TNFRSF11B: variants seen among roughly 807,000 people sequenced by gnomAD.
TNFRSF11B encodes TNF receptor superfamily member 11b, also known as tumor necrosis factor receptor superfamily member 11B.
In TNFRSF11B, 16 loss-of-function variants were observed where a neutral mutation model predicts 43.4. That is an observed-to-expected ratio of 0.37 (90% confidence interval 0.25 to 0.56). The LOEUF (loss-of-function observed/expected upper bound fraction) is 0.56, where lower values mean the gene tolerates loss of function less well. Among genes scored for constraint, TNFRSF11B ranks in the 20% least tolerant of loss-of-function variants. TNFRSF11B has a pLI of 0.80. For synonymous variants in TNFRSF11B, 185 were observed against 181.8 expected (o/e 1.02, Z -0.14); for missense variants, 444 against 490.1 (o/e 0.91, Z 0.89).
chr8:118,948,273 C>G (rs1812594602), intron 1 of TNFRSF11B, among the ~76,000 whole-genome samples: 1 of 152,086 alleles, frequency 6.6e-6, no homozygotes, highest in South Asian at 2.1e-4. Flanking sequence ...AATATATTCC[C>G]CAGCCTTTTT....
chr8:118,930,137 C>A (rs1053919771), intron 2 of TNFRSF11B, among the ~76,000 whole-genome samples: 5 of 152,160 alleles, frequency 3.3e-5, no homozygotes, highest in Non-Finnish European at 7.4e-5. Context: ...TCCAGCATTG[C>A]ACTGACATTA....
chr8:118,951,487 CAG>C (rs1253286219), intron 1 of TNFRSF11B, among the ~76,000 whole-genome samples: 1 of 152,006 alleles, frequency 6.6e-6, no homozygotes. Flanking sequence ...GAGATGAAGA[CAG>C]AAGGTTAATG....
At chr8:118,940,061 T>C (rs751576425) in intron 1 of TNFRSF11B, among the ~76,000 whole-genome samples, 6 of 152,186 alleles carry the variant, frequency 3.9e-5, no homozygotes, top group Admixed American at 1.3e-4. Context: ...ACCATCATTC[T>C]CAGCAAACTA....
intron 2 of TNFRSF11B, among the ~76,000 whole-genome samples, chr8:118,932,703 T>C (rs1367813166): frequency 6.6e-6 from 1 of 151,412 alleles, no homozygotes; most frequent in Non-Finnish European, 1.5e-5. Context: ...GAGAGAATAA[T>C]TTGCTGCATT....
At chr8:118,943,731 C>T (rs1003668894) in intron 1 of TNFRSF11B, among the ~76,000 whole-genome samples, 21 of 152,060 alleles carry the variant, frequency 1.4e-4, no homozygotes, top group South Asian at 2.1e-4. Context: ...TTTATGGCTT[C>T]CTCTTTTTGG....
chr8:118,950,322 T>C (rs1015588631), intron 1 of TNFRSF11B, among the ~76,000 whole-genome samples: 4 of 152,192 alleles, frequency 2.6e-5, no homozygotes, highest in African/African-American at 7.2e-5. Context: ...TGGAATACCA[T>C]ACAGCAATGA....
At chr8:118,949,992 A>C (rs1233526266) in intron 1 of TNFRSF11B, among the ~76,000 whole-genome samples, 1 of 152,246 alleles carries the variant, frequency 6.6e-6, no homozygotes, top group Non-Finnish European at 1.5e-5. Context: ...TACTGTGTTC[A>C]AGACATATAC....
intron 1 of TNFRSF11B, among the ~76,000 whole-genome samples, chr8:118,948,877 C>T (rs1812603342): frequency 6.6e-6 from 1 of 152,068 alleles, no homozygotes; most frequent in Non-Finnish European, 1.5e-5. Context: ...CATTATTCTA[C>T]AGGAAAACAG....
At chr8:118,951,740 G>C in intron 1 of TNFRSF11B, 52 bp downstream of exon 1, 1 of 1,539,406 alleles carries the variant, frequency 6.5e-7, no homozygotes, top group South Asian at 1.2e-5. Flanking sequence ...GAGACCAGGT[G>C]GCAGCAGCCT....
At chr8:118,944,728 A>C (rs946204944) in intron 1 of TNFRSF11B, among the ~76,000 whole-genome samples, 10 of 152,134 alleles carry the variant, frequency 6.6e-5, no homozygotes, top group African/African-American at 2.2e-4. Flanking sequence ...GTTAATGGTC[A>C]TGCCAACCTA....
chr8:118,926,813 G>T (rs1812251835), intron 3 of TNFRSF11B, 95 bp from the exon 4 acceptor site: 3 of 1,194,152 alleles, frequency 2.5e-6, no homozygotes, highest in African/African-American at 3.0e-5. Flanking sequence ...CAACACAATT[G>T]AATTTTCCAA....
chr8:118,926,908 T>G (rs570008049), intron 3 of TNFRSF11B, among the ~76,000 whole-genome samples, 190 bp from the exon 4 acceptor site: 1 of 152,352 alleles, frequency 6.6e-6, no homozygotes. Context: ...TGAGCTTACG[T>G]GTCTTCTAAT....
Position 118,933,694 on chromosome 8 carries a change from A to T in TNFRSF11B, c.31-394T>A, listed in dbSNP as rs79325977. 4.3e-4 allele frequency among the ~76,000 whole-genome samples: 66 copies of T among 152,328 alleles called. No homozygotes were observed. The East Asian group carries it at 8.7e-3, about 20-fold the overall frequency. On this transcript the variant is annotated intron_variant, in intron 1 of 4. Transcript: ENST00000297350. ...ACAGCTACACAAATCACCTGTTAAA[A>T]ATATAGATTCCTGGGATTCATATCC... is the stretch of plus-strand genomic sequence containing the variant.
chr8:118,939,508 G>T (rs1427574774), intron 1 of TNFRSF11B, among the ~76,000 whole-genome samples: 1 of 152,178 alleles, frequency 6.6e-6, no homozygotes, highest in Non-Finnish European at 1.5e-5. Flanking sequence ...TGAGAGGAAA[G>T]AATAGGTATG....
At chr8:118,932,208 A>G (rs1812340014) in intron 2 of TNFRSF11B, among the ~76,000 whole-genome samples, 2 of 152,228 alleles carry the variant, frequency 1.3e-5, no homozygotes, top group South Asian at 2.1e-4. Context: ...GTGGCAGAAA[A>G]AAACGTGGGT....
At chr8:118,943,046 A>G (rs546499228) in intron 1 of TNFRSF11B, among the ~76,000 whole-genome samples, 1 of 152,080 alleles carries the variant, frequency 6.6e-6, no homozygotes, top group African/African-American at 2.4e-5. Flanking sequence ...TCGTCCTAAA[A>G]TACAGTACTT....
At chr8:118,936,433 C>T (rs1243305916) in intron 1 of TNFRSF11B, among the ~76,000 whole-genome samples, 4 of 151,978 alleles carry the variant, frequency 2.6e-5, no homozygotes, top group African/African-American at 9.7e-5. Context: ...TTTGGTTAGC[C>T]CCAATTCCCA....
chr8:118,951,645 CG>C, intron 1 of TNFRSF11B, 146 bp downstream of exon 1: 2 of 742,600 alleles, frequency 2.7e-6, no homozygotes, highest in Non-Finnish European at 2.3e-6. Flanking sequence ...AACTTGAAAG[CG>C]GTTTCCTGCT....
chr8:118,949,684 T>A (rs1812612940), intron 1 of TNFRSF11B, among the ~76,000 whole-genome samples: 1 of 152,178 alleles, frequency 6.6e-6, no homozygotes, highest in South Asian at 2.1e-4. Flanking sequence ...TGCAACTCTA[T>A]ATACACAATT....
Sources: gnomAD v4.1 joint callset for allele counts (sites outside exome capture counted in the v4.1 genomes callset) on GRCh38, gnomAD v4.1.1 for gene constraint, MANE v1.5 for transcripts, NCBI Gene and HGNC (gene_info 2026-07-23, HGNC 2026-07-21) for gene names.